FILIP1: variants seen among roughly 807,000 people sequenced by gnomAD.
FILIP1 encodes the protein filamin-A-interacting protein 1.
A neutral mutation model predicts 102.1 loss-of-function variants in FILIP1; 61 were observed. That is an observed-to-expected ratio of 0.60 (90% CI 0.49 to 0.74). The LOEUF is 0.74. FILIP1 is among the 30% of genes least tolerant of loss of function. The pLI, the probability that FILIP1 is intolerant of heterozygous loss-of-function variation, is 0.00. For synonymous variants in FILIP1, 491 were observed against 526.9 expected, an observed-to-expected ratio of 0.93 and a Z score of 0.93; for missense variants, 1,314 against 1,441.2, an observed-to-expected ratio of 0.91 and a Z score of 1.43.
At chr6:75,454,785 A>G (rs917882140) in intron 1 of FILIP1, among the ~76,000 whole-genome samples, 5 of 152,176 alleles carry the variant, frequency 3.3e-5, no homozygotes, top group African/African-American at 1.2e-4. Context: ...GCCATAGTTG[A>G]GTTTTCTCCT....
chr6:75,314,476 T>C lies in FILIP1; in HGVS notation c.1356A>G (p.Leu452=), dbSNP rs1289202561. The change falls in exon 5 of 6, where the codon CTA becomes CTG. Residue 452 remains leucine (L), a synonymous_variant. Coordinates refer to ENST00000237172, the MANE Select transcript of FILIP1 (RefSeq NM_015687.5). ...TCTTTTCTTTCTCCAGATTTAAATG[T>C]AGCTGGGTGCACTCAGATTTACTCT... ...FSKSKSECTQ[L]HLNLEKEKNL... 6.3e-7 allele frequency: 1 copy of C among 1,598,824 alleles called. No individual in the cohort carries two copies. The highest frequency in any genetic ancestry group is 1.8e-5 in the Admixed American group (1 of 55,766).
chr6:75,329,284 G>A (rs931956960), intron 4 of FILIP1, among the ~76,000 whole-genome samples: 7 of 152,118 alleles, frequency 4.6e-5, no homozygotes, highest in Non-Finnish European at 1.0e-4. Context: ...TAAGATTTCA[G>A]GGCTCCTTTT....
chr6:75,380,595 C>T (rs1775881400), intron 2 of FILIP1, among the ~76,000 whole-genome samples: 2 of 151,994 alleles, frequency 1.3e-5, no homozygotes, highest in South Asian at 4.2e-4. Flanking sequence ...ACATTTATAC[C>T]CTTTAATTGA....
At chr6:75,405,361 G>T (rs1329050214) in intron 2 of FILIP1, among the ~76,000 whole-genome samples, 1 of 151,068 alleles carries the variant, frequency 6.6e-6, no homozygotes, top group Non-Finnish European at 1.5e-5. Context: ...AAAGAAGGGG[G>T]AAAATTAGCT....
intron 3 of FILIP1, among the ~76,000 whole-genome samples, chr6:75,358,888 A>T (rs891259445): frequency 3.5e-4 from 53 of 151,474 alleles, no homozygotes; most frequent in African/African-American, 1.2e-3. Context: ...ACTCCTGGCT[A>T]ATTTTTTGTA....
At chr6:75,381,532 A>G (rs908820488) in intron 2 of FILIP1, among the ~76,000 whole-genome samples, 6 of 151,802 alleles carry the variant, frequency 4.0e-5, no homozygotes, top group Admixed American at 2.0e-4. Context: ...CTGGCCTACA[A>G]TTTTTTTTGA....
rs1224908241 is a variant in FILIP1, at chr6:75,313,178, T to C, written c.2654A>G (p.Glu885Gly). 1.9e-6 allele frequency: 3 copies of C among 1,614,198 alleles called. No individual in the cohort carries two copies. The highest frequency in any genetic ancestry group is 2.5e-6 in the Non-Finnish European group (3 of 1,180,040). The stretch of plus-strand genomic sequence containing the variant: ...ACTGGAATTTGTTCGGGGCCCTTTC[T>C]CCTGAGTGATGGAGGGGCCGTTTTC... ...KRENGPSITQ[E>G]KGPRTNSSPG... The change falls in exon 5 of 6, where the codon GAG (glutamate) becomes GGG (glycine). Residue 885 changes from glutamate (E) to glycine (G), a missense_variant. Glu to Gly is a moderately conservative substitution (Grantham distance 98). Around this residue, in one of 3 missense-constraint regions of FILIP1, gnomAD observed 816 missense variants for 913.1 expected, o/e 0.89. Coordinates refer to ENST00000237172, the MANE Select transcript of FILIP1 (RefSeq NM_015687.5). The surrounding 1 kb of genome is among the most constrained non-coding windows in gnomAD (Gnocchi z 4.2).
intron 4 of FILIP1, among the ~76,000 whole-genome samples, chr6:75,348,716 A>T (rs979531693): frequency 2.6e-5 from 4 of 152,224 alleles, no homozygotes; most frequent in African/African-American, 7.2e-5. Context: ...CATAAACCTC[A>T]TTAACCTTCT....
At chr6:75,319,239 CTGCT>C in intron 4 of FILIP1, 1 of 726,812 alleles carries the variant, frequency 1.4e-6, no homozygotes. Flanking sequence ...TTTCATAAGG[CTGCT>C]TGTCATCTGC....
intron 1 of FILIP1, among the ~76,000 whole-genome samples, chr6:75,487,348 G>A (rs899574077): frequency 4.6e-5 from 7 of 152,178 alleles, no homozygotes; most frequent in East Asian, 3.9e-4. Context: ...AAATACAGGC[G>A]CAGGGCATCA....
chr6:75,389,997 AAAAC>A (rs200546668), intron 2 of FILIP1, among the ~76,000 whole-genome samples: 9 of 152,110 alleles, frequency 5.9e-5, no homozygotes, highest in African/African-American at 9.7e-5. Flanking sequence ...TCCAAAGCTT[AAAAC>A]AAACAAACAA....
exon 7 of FILIP1, chr6:75,294,125 T>C (rs1215258650): frequency 6.6e-6 from 1 of 152,212 alleles, no homozygotes; most frequent in East Asian, 1.9e-4. Context: ...TTCCCCAAGG[T>C]GTAACTTAAA....
intron 1 of FILIP1, among the ~76,000 whole-genome samples, chr6:75,470,546 G>T (rs933560031): frequency 9.2e-5 from 14 of 152,030 alleles, no homozygotes; most frequent in Non-Finnish European, 1.9e-4. Flanking sequence ...CAACCAATAT[G>T]TTTATTTAAA....
chr6:75,468,839 T>C (rs1399716090), intron 1 of FILIP1, among the ~76,000 whole-genome samples: 3 of 151,986 alleles, frequency 2.0e-5, no homozygotes, highest in Non-Finnish European at 4.4e-5. Flanking sequence ...CTAAAATCTT[T>C]GGGAAAGAAA....
chr6:75,313,777 C>T lies in FILIP1; in HGVS notation c.2055G>A (p.Lys685=). 1 of 1,600,976 alleles carries T rather than the reference C, an allele frequency of 6.2e-7. No individual in the cohort carries two copies. The highest frequency in any genetic ancestry group is 8.5e-7 in the Non-Finnish European group (1 of 1,175,752). ...TTGCTTTATTCTTGGCAATTTGGTG[C>T]TTGATCTCCTCTAGTTGTTGAGAGA... ...NFLSQQLEEI[K]HQIAKNKAIE... The change falls in exon 5 of 6, where the codon AAG becomes AAA. Residue 685 remains lysine, a synonymous_variant. Coordinates refer to ENST00000237172, the MANE Select transcript of FILIP1 (RefSeq NM_015687.5). This position sits in a 1 kb window ranked among gnomAD's most constrained non-coding sequence, Gnocchi z 4.2.
intron 2 of FILIP1, among the ~76,000 whole-genome samples, chr6:75,403,734 T>C (rs1193473056): frequency 6.6e-6 from 1 of 152,158 alleles, no homozygotes; most frequent in Non-Finnish European, 1.5e-5. Context: ...TGAGATTTCA[T>C]AGCTAAGAGG....
chr6:75,361,514 C>T (rs1775173330), intron 3 of FILIP1, among the ~76,000 whole-genome samples: 1 of 152,206 alleles, frequency 6.6e-6, no homozygotes. Context: ...GTGTCTTTTA[C>T]TCCTCAAATC....
chr6:75,342,237 A>G (rs1774438874), intron 4 of FILIP1, among the ~76,000 whole-genome samples: 1 of 152,232 alleles, frequency 6.6e-6, no homozygotes, highest in Non-Finnish European at 1.5e-5. Context: ...TAGAGAAGAA[A>G]TTGACTGCAG....
chr6:75,442,133 C>G (rs1778281372), intron 1 of FILIP1, among the ~76,000 whole-genome samples: 1 of 151,216 alleles, frequency 6.6e-6, no homozygotes, highest in Admixed American at 6.6e-5. Flanking sequence ...GGAGCAGAGG[C>G]GCTCCCCACA....
Sources: gnomAD v4.1 joint callset for allele counts (sites outside exome capture counted in the v4.1 genomes callset) on GRCh38, gnomAD v4.1.1 for gene constraint, gnomAD v4.1.1 regional missense constraint, Gnocchi (gnomAD v3.1) non-coding constraint, MANE v1.5 for transcripts, NCBI Gene and HGNC (gene_info 2026-07-23, HGNC 2026-07-21) for gene names.